BTBD8: variants seen among roughly 807,000 people sequenced by gnomAD.
The protein encoded by BTBD8 is BTB/POZ domain-containing protein 8.
A neutral mutation model predicts 162.9 loss-of-function variants in BTBD8; 110 were observed. The observed-to-expected ratio is 0.68, with a 90% CI of 0.58 to 0.79. BTBD8 has a LOEUF of 0.79. BTBD8 is among the 30% of genes least tolerant of loss of function. BTBD8 has a pLI of 0.00. For synonymous variants in BTBD8, 667 were observed against 716.1 expected, an observed-to-expected ratio of 0.93 and a Z score of 1.10; for missense variants, 1,905 against 2,085.4, an observed-to-expected ratio of 0.91 and a Z score of 1.68.
At chr1:92,108,785 C>T (rs1212484912) in intron 4 of BTBD8, among the ~76,000 whole-genome samples, 1 of 152,220 alleles carries the variant, frequency 6.6e-6, no homozygotes, top group African/African-American at 2.4e-5. Flanking sequence ...CCAGCCAGTT[C>T]TTCCTCCTCT....
chr1:92,091,532 C>G (rs905457383), intron 2 of BTBD8, among the ~76,000 whole-genome samples: 1 of 151,274 alleles, frequency 6.6e-6, no homozygotes, highest in Non-Finnish European at 1.5e-5. Flanking sequence ...GTAGGCTGGT[C>G]TCTCTTTTTT....
rs12142636 is a variant in BTBD8, at chr1:92,175,317, A to G, written c.1636-1512A>G. Among the ~76,000 whole-genome samples, 268 of 151,892 alleles carry G rather than the reference A, an allele frequency of 1.8e-3. 1 individual carries two copies. The highest frequency in any genetic ancestry group is 3.2e-3 in the Non-Finnish European group (218 of 67,916). The stretch of plus-strand genomic sequence containing the variant: ...AACATGGTGAAACCCCGTCTCTACT[A>G]AAAATACAAAAATTAGCTGGGCATG... On this transcript the variant is annotated intron_variant, in intron 13 of 17. Coordinates refer to ENST00000636805, the MANE Select transcript of BTBD8 (RefSeq NM_001376131.1).
In BTBD8 at chr1:92,176,897, G is replaced by A; in HGVS notation, c.1704G>A (p.Glu568=). Residue 568 remains glutamate, a synonymous_variant, in exon 14 of 18, where the codon GAG becomes GAA. Transcript: ENST00000636805. ...CTTGGAGGGGAAATAACAAGAAAGA[G>A]TGTTGGAGTTATCTCTCTACTAATA... ...IKSWRGNNKK[E]CWSYLSTNKK... 6.5e-7 allele frequency: 1 copy of A among 1,528,208 alleles called. No individual in the cohort carries two copies. Among genetic ancestry groups the A allele is most frequent in the Non-Finnish European group, 8.8e-7 (1 of 1,139,228 alleles). The allele number at this position is 1,528,208 out of a possible 1,614,324, so 94.7% of individuals were successfully genotyped here.
At chr1:92,174,379 C>T (rs1466514) in intron 13 of BTBD8, among the ~76,000 whole-genome samples, 96,221 of 151,722 alleles carry the variant, frequency 0.63, 31,027 homozygotes, top group East Asian at 0.97. Context: ...TTTGTAGAGG[C>T]GGGGTTTTGC....
In BTBD8 at chr1:92,118,804, T is replaced by TTTC. The variant is rs1553122682; in HGVS notation, c.662+10805_662+10806insCTT. On this transcript the variant is annotated intron_variant, in intron 4 of 17. Coordinates refer to ENST00000636805, the MANE Select transcript of BTBD8 (RefSeq NM_001376131.1). ...TTATAATTTGGCTTTTCTTTCTTTC[T>TTTC]TTTTTTTTTTTTTTTTGCTCTATTT... Among the ~76,000 whole-genome samples, 3 of 19,234 alleles carry TTTC rather than the reference T, an allele frequency of 1.6e-4. No individual in the cohort carries two copies. In the African/African-American group the frequency reaches 1.8e-3, roughly 12 times the overall value. The allele number at this position is 19,234 out of a possible 152,430, so 12.6% of individuals were successfully genotyped here. A position where few individuals can be genotyped will look rare whatever the true frequency, so the allele number is the denominator to read the frequency against.
intron 12 of BTBD8, 60 bp from the exon 13 acceptor site, chr1:92,171,339 T>G: frequency 1.6e-6 from 2 of 1,267,146 alleles, no homozygotes; most frequent in Non-Finnish European, 1.1e-6. Context: ...CTATTTTTCC[T>G]TTACTTCTAA....
chr1:92,126,582 G>T (rs1649366996), intron 4 of BTBD8: 1 of 396,544 alleles, frequency 2.5e-6, no homozygotes, highest in South Asian at 2.1e-5. Flanking sequence ...CTTCTTGTCT[G>T]TTTATATATT....
At position 92,182,317 on chromosome 1, in the gene BTBD8, G is replaced by A; in HGVS notation, c.4634G>A (p.Arg1545Lys). Residue 1545 changes from arginine to lysine, a missense_variant, in exon 17 of 18, where the codon AGA becomes AAA. Arg to Lys is a conservative substitution (Grantham distance 26). Around this residue, in one of 3 missense-constraint regions of BTBD8, gnomAD observed 517 missense variants for 606.6 expected, o/e 0.85. Coordinates refer to ENST00000636805, the MANE Select transcript of BTBD8 (RefSeq NM_001376131.1). ...KKNTIDVLSS[R>K]SRQLLREDKK... is the part of the protein sequence containing the mutation. Reference sequence around the variant, plus strand: ...AACACAATAGACGTCCTATCCAGTAGAAGCAGACAGCTTCTTCGAGAAGAT... The same window carrying A: ...AACACAATAGACGTCCTATCCAGTAAAAGCAGACAGCTTCTTCGAGAAGAT... The A allele has an allele frequency of 6.4e-7, 1 of 1,551,042 alleles. No individual in the cohort carries two copies. Among genetic ancestry groups the A allele is most frequent in the South Asian group, 1.2e-5 (1 of 83,830 alleles).
chr1:92,088,884 A>T lies in BTBD8; in HGVS notation c.336A>T (p.Arg112Ser). 1 of 1,609,090 alleles carries T rather than the reference A, an allele frequency of 6.2e-7. No individual in the cohort carries two copies. The highest frequency in any genetic ancestry group is 8.5e-7 in the Non-Finnish European group (1 of 1,177,542). Reference protein sequence around the residue: ...AVENVEALEFRTFLQIIYSSN... With the variant: ...AVENVEALEFSTFLQIIYSSN... The stretch of plus-strand genomic sequence containing the variant: ...AGAATGTTGAAGCTTTAGAATTTAG[A>T]ACGTTTTTACAGTAAGTGCTTTCTT... The change falls in exon 2 of 18, where the codon AGA becomes AGT. Residue 112 changes from arginine to serine, a missense_variant. Physicochemically the swap from Arg to Ser is moderately radical, Grantham distance 110 (BLOSUM62 -1). Around this residue, in one of 3 missense-constraint regions of BTBD8, gnomAD observed 1,374 missense variants for 1,442.7 expected, o/e 0.95. Coordinates refer to ENST00000636805, the MANE Select transcript of BTBD8 (RefSeq NM_001376131.1).
intron 16 of BTBD8, 28 bp from the exon 17 acceptor site, chr1:92,180,237 A>G (rs1650841071): frequency 8.2e-6 from 12 of 1,461,634 alleles, no homozygotes; most frequent in Non-Finnish European, 1.0e-5. Flanking sequence ...ATATTACATT[A>G]CTGAATATAC....
Position 92,184,044 on chromosome 1 carries a change from G to A in BTBD8, c.5093G>A (p.Trp1698Ter). Residue 1698 changes from tryptophan to a stop codon, truncating the protein, a stop_gained, in exon 18 of 18, where the codon TGG becomes TAG. Transcript: ENST00000636805. LOFTEE classifies it high-confidence loss of function. ...EDDQHFAKQD[W>*]TLLKQLLSEQ... ...GACCAACATTTTGCAAAACAAGATT[G>A]GACACTACTAAAGCAACTGCTCTCT... The A allele has an allele frequency of 6.4e-7, 1 of 1,551,552 alleles. No individual in the cohort carries two copies. The highest frequency in any genetic ancestry group is 1.2e-5 in the South Asian group (1 of 84,054).
intron 13 of BTBD8, among the ~76,000 whole-genome samples, chr1:92,173,972 G>T (rs1178038792): frequency 1.3e-5 from 2 of 152,010 alleles, no homozygotes; most frequent in Admixed American, 6.5e-5. Flanking sequence ...GGTTGTTGTT[G>T]CCTGCTTCAT....
chr1:92,161,828 T>TTTTG (rs538542430), intron 9 of BTBD8, among the ~76,000 whole-genome samples: 247 of 152,354 alleles, frequency 1.6e-3, no homozygotes, highest in African/African-American at 5.7e-3. Flanking sequence ...AAAAGATGTT[T>TTTTG]TTTGTTTGTT....
At chr1:92,113,468 G>A (rs1046530883) in intron 4 of BTBD8, among the ~76,000 whole-genome samples, 5 of 152,228 alleles carry the variant, frequency 3.3e-5, no homozygotes, top group African/African-American at 9.6e-5. Context: ...GAAAGAGAAG[G>A]AAGTTAGATA....
intron 7 of BTBD8, 101 bp downstream of exon 7, chr1:92,141,312 A>G (rs932282517): frequency 1.6e-6 from 2 of 1,227,160 alleles, no homozygotes; most frequent in African/African-American, 3.1e-5. Flanking sequence ...AAATATTTAA[A>G]ATATTAAGTA....
At chr1:92,155,245 G>A (rs1480586421) in intron 9 of BTBD8, among the ~76,000 whole-genome samples, 1 of 152,108 alleles carries the variant, frequency 6.6e-6, no homozygotes, top group Non-Finnish European at 1.5e-5. Context: ...AGGGTATTTT[G>A]TGGTTCCGTA....
Position 92,147,256 on chromosome 1 carries a change from C to G in BTBD8, c.1007C>G (p.Ala336Gly). Residue 336 changes from alanine to glycine, a missense_variant, in exon 8 of 18, where the codon GCT becomes GGT. By Grantham distance (60) the Ala-to-Gly change is moderately conservative. This residue lies in a region of BTBD8 where 1,374 missense variants were observed against 1,442.7 expected (regional missense o/e 0.95). Coordinates refer to ENST00000636805, the MANE Select transcript of BTBD8 (RefSeq NM_001376131.1). ...AHSVGVESLFADCMKWIVKHF... is the reference protein window; with the variant it reads ...AHSVGVESLFGDCMKWIVKHF... ...TCAGTTGGAGTGGAAAGTCTTTTTG[C>G]TGACTGCATGAAGTAAGTTATGTTA... The G allele has an allele frequency of 6.2e-7, 1 of 1,608,638 alleles. No homozygotes were observed.
intron 9 of BTBD8, among the ~76,000 whole-genome samples, chr1:92,148,437 C>T (rs892216380): frequency 3.3e-5 from 5 of 152,172 alleles, no homozygotes; most frequent in African/African-American, 1.2e-4. Context: ...TCCAATCATC[C>T]TGAAGCAGCT....
chr1:92,116,030 A>G (rs1278976605), intron 4 of BTBD8, among the ~76,000 whole-genome samples: 1 of 152,030 alleles, frequency 6.6e-6, no homozygotes, highest in Non-Finnish European at 1.5e-5. Context: ...GTAGCCTACA[A>G]ATTTTGATAT....
Sources: allele counts gnomAD v4.1 joint callset (sites outside exome capture counted in the v4.1 genomes callset), GRCh38; gene constraint gnomAD v4.1.1; regional missense constraint gnomAD v4.1.1; transcripts MANE v1.5; gene names NCBI Gene and HGNC (gene_info 2026-07-23, HGNC 2026-07-21).